Variants in USP30 observed in about 807,000 individuals in gnomAD.
USP30 encodes the protein ubiquitin specific peptidase 30.
In USP30, 41 loss-of-function variants were observed where a neutral mutation model predicts 68.2. The ratio of observed to expected loss-of-function variants is 0.60; its 90% CI spans 0.47 to 0.78. The LOEUF (loss-of-function observed/expected upper bound fraction) is 0.78. USP30 is among the 30% of genes least tolerant of loss of function. USP30 has a pLI of 0.00. For synonymous variants in USP30, 229 were observed against 253.7 expected (o/e 0.90, Z 0.93); for missense variants, 522 against 649.4 (o/e 0.80, Z 2.13).
chr12:109,071,253 G>A (rs1193293787), intron 4 of USP30, among the ~76,000 whole-genome samples: 1 of 152,232 alleles, frequency 6.6e-6, no homozygotes, highest in East Asian at 1.9e-4. Flanking sequence ...AATCATTCAT[G>A]TTAAGATGAT....
intron 3 of USP30, among the ~76,000 whole-genome samples, chr12:109,037,600 T>C (rs1884437919): frequency 6.6e-6 from 1 of 152,206 alleles, no homozygotes; most frequent in South Asian, 2.1e-4. Flanking sequence ...GTAGTTGCTG[T>C]TTGTTTTGTG....
At chr12:109,060,353 C>G (rs2041024213) in intron 3 of USP30, among the ~76,000 whole-genome samples, 1 of 152,190 alleles carries the variant, frequency 6.6e-6, no homozygotes, top group South Asian at 2.1e-4. Flanking sequence ...ATATATTGCT[C>G]TCACTGTAAG....
At position 109,024,253 on chromosome 12, in the gene USP30, A is replaced by C. The variant is rs116161169; in HGVS notation, c.-497-550A>C. On this transcript the variant is annotated intron_variant, in intron 1 of 15. Transcript: ENST00000392784. ...TGTTAGCTGTTGCAATGGTTAAATT[A>C]ATTTATTTTAATTTTATTTTTTGAG... 7.9e-3 allele frequency among the ~76,000 whole-genome samples: 1,200 copies of C among 152,174 alleles called. 18 individuals are homozygous for C. Among genetic ancestry groups the C allele is most frequent in the African/African-American group, 0.028 (1,157 of 41,518 alleles).
intron 2 of USP30, among the ~76,000 whole-genome samples, chr12:109,026,183 C>T (rs1169437252): frequency 6.6e-6 from 1 of 152,072 alleles, no homozygotes; most frequent in African/African-American, 2.4e-5. Context: ...TCAAATCATC[C>T]TCCCACCTCA....
At position 109,052,638 on chromosome 12, in the gene USP30, G is replaced by GGCGGCT. The variant is rs2135692276; in HGVS notation, c.-40_-39insCGGCTG. On this transcript the variant is annotated 5_prime_UTR_variant, in exon 1 of 13. Transcript: ENST00000257548. ...CCCTCGGTCCGGCGGCGGCGGCGGCGGTAGCGGAGGAGACGGTTTCAGGCC... is the reference window on the plus strand; with the variant it reads ...CCCTCGGTCCGGCGGCGGCGGCGGCGGCGGCTGTAGCGGAGGAGACGGTTTCAGGCC... 2 of 1,458,928 alleles carry GGCGGCT rather than the reference G, an allele frequency of 1.4e-6. No homozygotes were observed. The highest frequency in any genetic ancestry group is 2.6e-5 in the Admixed American group (1 of 38,144). The allele number at this position is 1,458,928 out of a possible 1,614,324, so 90.4% of individuals were successfully genotyped here.
chr12:109,041,191 T>C lies in USP30; in HGVS notation c.-135-6399T>C, dbSNP rs150368293. Among the ~76,000 whole-genome samples the C allele has an allele frequency of 3.9e-3, 593 of 152,360 alleles. 3 individuals carry two copies. The highest frequency in any genetic ancestry group is 6.3e-3 in the Non-Finnish European group (427 of 68,030). On this transcript the variant is annotated intron_variant, in intron 3 of 15. Coordinates refer to the USP30 transcript ENST00000392784. ...TGCAAAGCAATGTGCTGAAGACTTA[T>C]GGGATTTCTGTTTTAACAGGATGAG...
rs147931793 is a variant in USP30 at position 109,083,059 on chromosome 12, C to T, written c.1165C>T (p.Pro389Ser). ...ELQDGPGAPT[P>S]VLNQPGAPKT... ...GCAGGATGGGCCGGGAGCCCCCACA[C>T]CAGGTGTGTGCGCGCGAGGAGCCGA... Residue 389 changes from proline (P) to serine (S), a missense_variant, in exon 11 of 13, where the codon CCA becomes TCA. Coordinates refer to ENST00000257548, the MANE Select transcript of USP30 (RefSeq NM_032663.5). The T allele has an allele frequency of 9.4e-6, 15 of 1,602,972 alleles. No homozygotes were observed. In the East Asian group the frequency reaches 1.3e-4, roughly 14 times the overall value.
intron 3 of USP30, among the ~76,000 whole-genome samples, chr12:109,041,450 C>T (rs1035900439): frequency 2.6e-5 from 4 of 151,996 alleles, no homozygotes; most frequent in East Asian, 3.9e-4. Flanking sequence ...GCCTGGCCAA[C>T]GTGGTGAAAC....
In USP30 at chr12:109,058,008, C is replaced by T; in HGVS notation, c.276C>T (p.Phe92=). 6.2e-7 allele frequency: 1 copy of T among 1,614,192 alleles called. No individual in the cohort carries two copies. The highest frequency in any genetic ancestry group is 8.5e-7 in the Non-Finnish European group (1 of 1,180,034). ...AAGGCCTGTCTGCCTGTCCTGCTTT[C>T]ATCAGGTGGCTGGAAGAGTTCACCT... is the stretch of plus-strand genomic sequence containing the variant. ...LLQGLSACPA[F]IRWLEEFTSQ... The change falls in exon 3 of 13, where the codon TTC becomes TTT. Residue 92 remains phenylalanine (F), a synonymous_variant. Transcript: ENST00000257548.
chr12:109,081,487 T>C, intron 8 of USP30, 94 bp downstream of exon 8: 1 of 1,284,048 alleles, frequency 7.8e-7, no homozygotes, highest in Admixed American at 1.9e-5. Flanking sequence ...AGGCACTATG[T>C]GTAATTCAGA....
At position 109,083,045 on chromosome 12, in the gene USP30, C is replaced by T. The variant is rs771251473; in HGVS notation, c.1151C>T (p.Pro384Leu). 4 of 1,610,616 alleles carry T rather than the reference C, an allele frequency of 2.5e-6. No homozygotes were observed. The highest frequency in any genetic ancestry group is 2.2e-5 in the East Asian group (1 of 44,846). ...CCTACACTGGAGCTGCAGGATGGGCCGGGAGCCCCCACACCAGGTGTGTGC... is the reference window on the plus strand; with the variant it reads ...CCTACACTGGAGCTGCAGGATGGGCTGGGAGCCCCCACACCAGGTGTGTGC... ...PGPTLELQDG[P>L]GAPTPVLNQP... Residue 384 changes from proline (P) to leucine (L), a missense_variant, in exon 11 of 13, where the codon CCG becomes CTG. Physicochemically the swap from Pro to Leu is moderately conservative, Grantham distance 98. Transcript: ENST00000257548.
At chr12:109,068,010 TA>T (rs1366743462) in intron 4 of USP30, among the ~76,000 whole-genome samples, 1 of 152,122 alleles carries the variant, frequency 6.6e-6, no homozygotes, top group Admixed American at 6.6e-5. Flanking sequence ...CCTCATTTTT[TA>T]AAAAATCAAT....
At chr12:109,073,117 T>C (rs1056690255) in intron 6 of USP30, among the ~76,000 whole-genome samples, 2 of 152,252 alleles carry the variant, frequency 1.3e-5, no homozygotes, top group Admixed American at 6.5e-5. Context: ...GAATGTTCAC[T>C]TGTGGTATCC....
Position 109,081,836 on chromosome 12 carries a change from A to T in USP30, c.781-97A>T, listed in dbSNP as rs868074470. ...CTATAAAACTTTATTGCCTGCATAC[A>T]TCAAAATAAAGCTCTGGTCTTCACA... On this transcript the variant is annotated intron_variant, in intron 8 of 12. Transcript: ENST00000257548. The T allele has an allele frequency of 4.1e-5, 52 of 1,253,214 alleles. No individual in the cohort carries two copies. The Middle Eastern group carries it at 4.8e-3, about 116-fold the overall frequency. 77.6% of individuals were successfully genotyped at this position (1,253,214 alleles called of 1,614,324 possible). A position where few individuals can be genotyped will look rare whatever the true frequency, so the allele number is the denominator to read the frequency against.
At position 109,057,858 on chromosome 12, in the gene USP30, T is replaced by A; in HGVS notation, c.194-68T>A. On this transcript the variant is annotated intron_variant, in intron 2 of 12. Transcript: ENST00000257548. Reference sequence around the variant, plus strand: ...AAGGCCACAGCGCAGGAACTCTGGGTCCCACATGGGAGAGAAATTGATCAA... The same window carrying A: ...AAGGCCACAGCGCAGGAACTCTGGGACCCACATGGGAGAGAAATTGATCAA... The A allele has an allele frequency of 5.3e-6, 8 of 1,514,236 alleles. No homozygotes were observed. The South Asian group carries it at 1.0e-4, about 19-fold the overall frequency. 93.8% of individuals were successfully genotyped at this position (1,514,236 alleles called of 1,614,324 possible).
intron 1 of USP30, among the ~76,000 whole-genome samples, chr12:109,053,198 T>C (rs955684777): frequency 3.9e-5 from 6 of 152,272 alleles, no homozygotes; most frequent in Middle Eastern, 3.4e-3. Context: ...ACGGTTCTTC[T>C]AGTCCTATAA....
upstream of USP30, among the ~76,000 whole-genome samples, chr12:109,049,899 T>TTGAAAA (rs1306355292): frequency 1.3e-5 from 2 of 152,152 alleles, no homozygotes; most frequent in African/African-American, 2.4e-5. Flanking sequence ...GCACATGCTG[T>TTGAAAA]TGAAAATGGT....
intron 3 of USP30, among the ~76,000 whole-genome samples, chr12:109,063,597 G>A (rs142625500): frequency 7.9e-5 from 12 of 151,704 alleles, no homozygotes; most frequent in African/African-American, 2.2e-4. Flanking sequence ...TGGTAATTCT[G>A]TTTAATTTTT....
intron 2 of USP30, among the ~76,000 whole-genome samples, chr12:109,026,389 A>G (rs1049482657): frequency 1.3e-5 from 2 of 151,458 alleles, no homozygotes; most frequent in South Asian, 4.2e-4. Flanking sequence ...AATAATTTTT[A>G]TTGTGGTAAA....
Sources: gnomAD v4.1 joint callset for allele counts (sites outside exome capture counted in the v4.1 genomes callset) on GRCh38, gnomAD v4.1.1 for gene constraint, MANE v1.5 for transcripts, NCBI Gene and HGNC (gene_info 2026-07-23, HGNC 2026-07-21) for gene names.